BAZ1A: variants seen among roughly 807,000 people sequenced by gnomAD.
The protein encoded by BAZ1A is bromodomain adjacent to zinc finger domain 1A, also known as bromodomain adjacent to zinc finger domain protein 1A.
In BAZ1A, 50 loss-of-function variants were observed where a neutral mutation model predicts 185.2. The ratio of observed to expected loss-of-function variants is 0.27; its 90% CI spans 0.22 to 0.34. The LOEUF (loss-of-function observed/expected upper bound fraction) is 0.34, where lower values mean the gene tolerates loss of function less well. Among genes scored for constraint, BAZ1A ranks in the 10% least tolerant of loss-of-function variants. The pLI is 1.00. For synonymous variants in BAZ1A, 571 were observed against 615.6 expected, an observed-to-expected ratio of 0.93 and a Z score of 1.07; for missense variants, 1,356 against 1,839.9, an observed-to-expected ratio of 0.74 and a Z score of 4.81.
At chr14:34,758,662 A>C (rs1325253791) in intron 25 of BAZ1A, 42 bp downstream of exon 25, 1 of 1,588,576 alleles carries the variant, frequency 6.3e-7, no homozygotes, top group East Asian at 2.2e-5. Flanking sequence ...GGACTAAATC[A>C]GATAATATAC....
chr14:34,869,202 G>A (rs1449499338), intron 2 of BAZ1A, among the ~76,000 whole-genome samples: 3 of 151,750 alleles, frequency 2.0e-5, no homozygotes, highest in East Asian at 3.9e-4. Flanking sequence ...GCCAGACTCC[G>A]TCTCAAAATA....
intron 3 of BAZ1A, among the ~76,000 whole-genome samples, chr14:34,844,553 GAT>G (rs1164466993): frequency 6.6e-6 from 1 of 151,932 alleles, no homozygotes; most frequent in Non-Finnish European, 1.5e-5. Flanking sequence ...GAGACAGGAG[GAT>G]CACGTGAGCC....
chr14:34,802,388 T>C (rs1461706817), intron 7 of BAZ1A, among the ~76,000 whole-genome samples: 2 of 152,132 alleles, frequency 1.3e-5, no homozygotes, highest in Non-Finnish European at 2.9e-5. Context: ...AGACAGAGTT[T>C]TGCCATGTTG....
chr14:34,804,404 G>C (rs377690875), intron 6 of BAZ1A, among the ~76,000 whole-genome samples: 3 of 152,174 alleles, frequency 2.0e-5, no homozygotes, highest in Admixed American at 6.5e-5. Flanking sequence ...GTGAACAAAA[G>C]CAAGTGCCAT....
chr14:34,765,038 C>A lies in BAZ1A; in HGVS notation c.3532G>T (p.Val1178Phe), dbSNP rs1878740736. 1 of 1,614,012 alleles carries A rather than the reference C, an allele frequency of 6.2e-7. No homozygotes were observed. Among genetic ancestry groups the A allele is most frequent in the Non-Finnish European group, 8.5e-7 (1 of 1,180,008 alleles). Residue 1178 changes from valine to phenylalanine, a missense_variant, in exon 22 of 27, where the codon GTT becomes TTT. Transcript: ENST00000360310. Reference protein sequence around the residue: ...GCDRGHHTYCVRPKLKTVPEG... With the variant: ...GCDRGHHTYCFRPKLKTVPEG... ...AAAAATACCTTGAGCTTTGGTCGAACACAGTAGGTATGATGACCCCTATCA... is the reference window on the plus strand; with the variant it reads ...AAAAATACCTTGAGCTTTGGTCGAAAACAGTAGGTATGATGACCCCTATCA...
intron 4 of BAZ1A, among the ~76,000 whole-genome samples, chr14:34,820,048 T>C (rs1277619699): frequency 6.6e-6 from 1 of 152,120 alleles, no homozygotes; most frequent in Non-Finnish European, 1.5e-5. Context: ...TTTCATATGC[T>C]TACTTGCCAT....
chr14:34,869,515 GAAGA>G (rs61528094), intron 2 of BAZ1A, among the ~76,000 whole-genome samples: 9,317 of 152,196 alleles, frequency 0.061, 739 homozygotes, highest in East Asian at 0.42. Context: ...GAAATTCTAG[GAAGA>G]AAGAGTTTTT....
chr14:34,760,581 G>C (rs917685868), intron 24 of BAZ1A, among the ~76,000 whole-genome samples: 4 of 151,460 alleles, frequency 2.6e-5, no homozygotes, highest in African/African-American at 9.7e-5. Context: ...CAGGTGTGGT[G>C]GCGCACACCT....
At chr14:34,820,274 C>T (rs1205691676) in intron 4 of BAZ1A, among the ~76,000 whole-genome samples, 2 of 151,868 alleles carry the variant, frequency 1.3e-5, no homozygotes, top group African/African-American at 4.8e-5. Flanking sequence ...TACAGGCACA[C>T]ACCACAATAC....
At chr14:34,810,263 C>T (rs549540233) in intron 5 of BAZ1A, among the ~76,000 whole-genome samples, 1 of 152,292 alleles carries the variant, frequency 6.6e-6, no homozygotes, top group South Asian at 2.1e-4. Context: ...CTAAACCCAA[C>T]AGACAACAAT....
In BAZ1A at chr14:34,785,912, A is replaced by C. The variant is rs1874171003; in HGVS notation, c.1696T>G (p.Ser566Ala). ...TGATATCTATACTTTGCATTTGCTG[A>C]TGTTACATCAGCACCTGAAGCTAAG... ...HILASGADVT[S>A]ANAKYRYQKR... Residue 566 changes from serine to alanine, a missense_variant, in exon 14 of 27, where the codon TCA (serine) becomes GCA (alanine). Around this residue, in one of 7 missense-constraint regions of BAZ1A, gnomAD observed 184 missense variants for 355.1 expected, o/e 0.52. Transcript: ENST00000360310. The C allele has an allele frequency of 6.2e-7, 1 of 1,614,042 alleles. No homozygotes were observed. The highest frequency in any genetic ancestry group is 1.7e-5 in the Admixed American group (1 of 59,990).
chr14:34,760,950 G>A (rs28804104), intron 24 of BAZ1A, among the ~76,000 whole-genome samples: 15,648 of 152,080 alleles, frequency 0.1, 867 homozygotes, highest in South Asian at 0.2. Context: ...ATTAGTCTAT[G>A]AATAATGATT....
At chr14:34,836,089 C>CTTTCTATAACTGAGACACATGCAGAA (rs2042325360) in intron 3 of BAZ1A, among the ~76,000 whole-genome samples, 1 of 95,564 alleles carries the variant, frequency 1.0e-5, no homozygotes, top group African/African-American at 3.5e-5. Context: ...AATTATAAAA[C>CTTTCTATAACTGAGACACATGCAGAA]TTTCTATAGG....
intron 16 of BAZ1A, among the ~76,000 whole-genome samples, chr14:34,780,969 C>T (rs1462492097): frequency 2.0e-5 from 3 of 151,590 alleles, no homozygotes; most frequent in Admixed American, 2.0e-4. Flanking sequence ...GTGATGGTGG[C>T]TTAGAGTAGA....
intron 3 of BAZ1A, among the ~76,000 whole-genome samples, chr14:34,854,803 G>C (rs1487220822): frequency 6.6e-6 from 1 of 151,994 alleles, no homozygotes; most frequent in Non-Finnish European, 1.5e-5. Flanking sequence ...GTGTTGGCTC[G>C]GCACAGTGGC....
chr14:34,793,467 AAAAG>A (rs1429679288), intron 11 of BAZ1A, among the ~76,000 whole-genome samples: 5 of 152,252 alleles, frequency 3.3e-5, no homozygotes, highest in Non-Finnish European at 7.3e-5. Flanking sequence ...AAGGAGAAAT[AAAAG>A]AATTTGAAAG....
At chr14:34,833,091 A>G (rs1416411119) in intron 3 of BAZ1A, among the ~76,000 whole-genome samples, 5 of 152,158 alleles carry the variant, frequency 3.3e-5, no homozygotes, top group African/African-American at 1.2e-4. Flanking sequence ...AAAATTTAAA[A>G]ATTAGCCAGG....
intron 12 of BAZ1A, among the ~76,000 whole-genome samples, chr14:34,792,098 T>TAATA (rs1880882926): frequency 6.6e-6 from 1 of 152,206 alleles, no homozygotes; most frequent in African/African-American, 2.4e-5. Context: ...TTAAAGTATT[T>TAATA]CCTGGTCAGG....
chr14:34,869,788 T>C (rs1280263768), intron 2 of BAZ1A, among the ~76,000 whole-genome samples: 1 of 152,224 alleles, frequency 6.6e-6, no homozygotes, highest in Non-Finnish European at 1.5e-5. Context: ...TTTCATGACC[T>C]CTTGAATCTG....
Sources: gnomAD v4.1 joint callset for allele counts (sites outside exome capture counted in the v4.1 genomes callset) on GRCh38, gnomAD v4.1.1 for gene constraint, gnomAD v4.1.1 regional missense constraint, MANE v1.5 for transcripts, NCBI Gene and HGNC (gene_info 2026-07-23, HGNC 2026-07-21) for gene names.